SMN2: variants seen among roughly 807,000 people sequenced by gnomAD.
SMN2 encodes survival motor neuron protein.
In SMN2, 1 loss-of-function variant was observed where a neutral mutation model predicts 2.8. That is an observed-to-expected ratio of 0.35 (90% CI 0.13 to 1.68). The LOEUF is 1.68. Among genes scored for constraint, SMN2 ranks in the 40% most tolerant of loss-of-function variants. SMN2 has a pLI of 0.35. For missense variants in SMN2, 12 were observed against 16.9 expected (o/e 0.71, Z 0.51); for synonymous variants, 5 against 5.0 (o/e 0.99, Z 0.01).
In SMN2 at chr5:70,074,717, G is replaced by C. The variant is rs1354564874; in HGVS notation, c.835-1804G>C. Among the ~76,000 whole-genome samples the C allele has an allele frequency of 3.0e-4, 39 of 128,122 alleles. 10 individuals carry two copies. The highest frequency in any genetic ancestry group is 6.0e-4 in the Non-Finnish European group (36 of 60,074). 84.1% of individuals were successfully genotyped at this position (128,122 alleles called of 152,430 possible). A position where few individuals can be genotyped will look rare whatever the true frequency, so the allele number is the denominator to read the frequency against. On this transcript the variant is annotated intron_variant, in intron 7 of 8. Transcript: ENST00000380743. Reference sequence around the variant, plus strand: ...TACTGAAAGAAGAAAAATCAGCTGGGCGCAGTGGCTCACGCCGGTAATCCC... The same window carrying C: ...TACTGAAAGAAGAAAAATCAGCTGGCCGCAGTGGCTCACGCCGGTAATCCC...
chr5:70,080,299 C>G (rs1774838054), downstream of SMN2, among the ~76,000 whole-genome samples: 1 of 135,726 alleles, frequency 7.4e-6, no homozygotes, highest in Non-Finnish European at 1.5e-5. Context: ...CCACTACACT[C>G]CAGCCTGGGT....
chr5:70,083,801 G>T, the SMN2 span, among the ~76,000 whole-genome samples: 2 of 131,766 alleles, frequency 1.5e-5, no homozygotes, highest in East Asian at 2.1e-4. Context: ...TGGGACTGTT[G>T]TGGGGTGGGG....
chr5:70,079,292 G>T (rs1386085447), downstream of SMN2, among the ~76,000 whole-genome samples: 1 of 145,522 alleles, frequency 6.9e-6, no homozygotes, highest in Non-Finnish European at 1.5e-5. Flanking sequence ...AATTAGCCCG[G>T]CATGGTGGCA....
intron 7 of SMN2, among the ~76,000 whole-genome samples, chr5:70,074,730 C>T (rs1201293190): frequency 1.6e-5 from 2 of 128,986 alleles, no homozygotes; most frequent in Non-Finnish European, 3.3e-5. Context: ...CAGTGGCTCA[C>T]GCCGGTAATC....
downstream of SMN2, among the ~76,000 whole-genome samples, chr5:70,083,467 A>G (rs1742063101): frequency 7.3e-6 from 1 of 136,086 alleles, no homozygotes; most frequent in African/African-American, 3.1e-5. Flanking sequence ...TACCCAAAGG[A>G]CTATAAATCA....
At chr5:70,080,198 G>T (rs1396646975), downstream of SMN2, among the ~76,000 whole-genome samples, 4 of 131,380 alleles carry the variant, frequency 3.0e-5, 1 homozygote, top group Non-Finnish European at 4.7e-5. Context: ...CGGCATGGTG[G>T]TGGGCGCCTG....
downstream of SMN2, among the ~76,000 whole-genome samples, chr5:70,080,286 G>A (rs212206): frequency 9.5e-5 from 13 of 136,184 alleles, no homozygotes; most frequent in South Asian, 2.3e-4. Context: ...AGCCAAGATC[G>A]TGCCACTACA....
chr5:70,079,625 T>TGG (rs1774826854), downstream of SMN2, among the ~76,000 whole-genome samples: 1 of 134,134 alleles, frequency 7.5e-6, no homozygotes, highest in African/African-American at 3.1e-5. Flanking sequence ...GGCATGGTGG[T>TGG]GCATGCCTGT....
the SMN2 span, among the ~76,000 whole-genome samples, chr5:70,088,424 CTTTTTTTTTT>C: frequency 2.7e-5 from 1 of 36,642 alleles, no homozygotes; most frequent in African/African-American, 1.7e-4. Context: ...AAGTTTCAAA[CTTTTTTTTTT>C]TTTTTTTTTT....
intron 7 of SMN2, 131 bp from the exon 8 acceptor site, chr5:70,076,390 A>AT (rs1774754413): frequency 4.1e-6 from 2 of 493,742 alleles, no homozygotes; most frequent in Non-Finnish European, 3.6e-6. Context: ...TTCTGATCAT[A>AT]TTTTGTTGAA....
chr5:70,052,161 A>G (rs1580725495), intron 1 of SMN2, among the ~76,000 whole-genome samples: 1 of 132,670 alleles, frequency 7.5e-6, no homozygotes, highest in Non-Finnish European at 1.7e-5. Flanking sequence ...ACTGTACTCC[A>G]GCCTGGACGA....
At chr5:70,075,097 C>T (rs1271536723) in intron 7 of SMN2, among the ~76,000 whole-genome samples, 2 of 118,566 alleles carry the variant, frequency 1.7e-5, no homozygotes, top group African/African-American at 7.2e-5. Context: ...GGTGCAATCT[C>T]GGCTCACTGC....
Position 70,070,166 on chromosome 5 carries a change from G to A in SMN2, c.724-475G>A, listed in dbSNP as rs576454170. 3.7e-5 allele frequency among the ~76,000 whole-genome samples: 5 copies of A among 133,868 alleles called. 1 individual carries two copies. The East Asian group carries it at 1.1e-3, about 29-fold the overall frequency. 87.8% of individuals were successfully genotyped at this position (133,868 alleles called of 152,430 possible). On this transcript the variant is annotated intron_variant, in intron 6 of 8. Transcript: ENST00000380743. ...ATGTGAGCTGTGTGTGTGTGTGTGT[G>A]TGTGTGTGTATTAAGGAAAAGCATG... is the stretch of plus-strand genomic sequence containing the variant.
downstream of SMN2, among the ~76,000 whole-genome samples, chr5:70,082,123 T>C (rs1401888098): frequency 2.3e-5 from 3 of 132,824 alleles, no homozygotes; most frequent in East Asian, 6.3e-4. Flanking sequence ...GAGATAATCA[T>C]GTGGTTTTTG....
Position 70,075,032 on chromosome 5 carries a change from GT to G in SMN2, c.835-1486del, listed in dbSNP as rs1206583734. Among the ~76,000 whole-genome samples, 25 of 122,968 alleles carry G rather than the reference GT, an allele frequency of 2.0e-4. 2 individuals are homozygous for G. Among genetic ancestry groups the G allele is most frequent in the Middle Eastern group, 3.8e-3 (1 of 266 alleles). The allele number at this position is 122,968 out of a possible 152,430, so 80.7% of individuals were successfully genotyped here. ...GAAAAATATTTTTTTAAATTAATTA[GT>G]TTATTTATTTTTTAAGATGGAGTTT... On this transcript the variant is annotated intron_variant, in intron 7 of 8. Coordinates refer to ENST00000380743, the MANE Select transcript of SMN2 (RefSeq NM_017411.4).
chr5:70,071,088 CTTTTTTT>C, intron 7 of SMN2: 9 of 51,782 alleles, frequency 1.7e-4, no homozygotes, highest in South Asian at 2.8e-4. Context: ...AAATGAAATT[CTTTTTTT>C]TTTTTTTTTT....
At chr5:70,052,941 A>G (rs1774496970) in intron 1 of SMN2, among the ~76,000 whole-genome samples, 1 of 117,814 alleles carries the variant, frequency 8.5e-6, no homozygotes, top group Admixed American at 8.8e-5. Flanking sequence ...ATGAAGTGGA[A>G]TGATTGTCCC....
intron 1 of SMN2, among the ~76,000 whole-genome samples, chr5:70,052,833 G>C (rs1469281819): frequency 1.0e-5 from 1 of 97,308 alleles, no homozygotes; most frequent in Non-Finnish European, 2.2e-5. Context: ...AGTGACCCGA[G>C]ATCGTGCCAC....
the SMN2 span, among the ~76,000 whole-genome samples, chr5:70,083,724 T>G: frequency 9.2e-5 from 12 of 130,340 alleles, no homozygotes; most frequent in African/African-American, 2.4e-4. Context: ...ACACCGCATG[T>G]TCTCACTCAT....
Sources: gnomAD v4.1 joint callset for allele counts (sites outside exome capture counted in the v4.1 genomes callset) on GRCh38, gnomAD v4.1.1 for gene constraint, MANE v1.5 for transcripts, NCBI Gene and HGNC (gene_info 2026-07-23, HGNC 2026-07-21) for gene names.